Variants in KLHDC10 observed in about 807,000 individuals in gnomAD.
The protein encoded by KLHDC10 is kelch domain-containing protein 10.
A neutral mutation model predicts 56.1 loss-of-function variants in KLHDC10; 24 were observed. The ratio of observed to expected loss-of-function variants is 0.43; its 90% CI spans 0.31 to 0.60. The LOEUF (loss-of-function observed/expected upper bound fraction) is 0.60. KLHDC10 is among the 20% of genes least tolerant of loss of function. KLHDC10 has a pLI of 0.11. For missense variants in KLHDC10, 349 were observed against 567.0 expected, an observed-to-expected ratio of 0.62 and a Z score of 3.91; for synonymous variants, 188 against 207.1, an observed-to-expected ratio of 0.91 and a Z score of 0.79.
rs531945055 is a variant in KLHDC10, at chr7:130,124,605, G to A, written c.864+70G>A. On this transcript the variant is annotated intron_variant, in intron 6 of 9. Transcript: ENST00000335420. The stretch of plus-strand genomic sequence containing the variant: ...AAGGAGGCTTGCGTCAACCAAGCAA[G>A]ATAATTCTGTTACTTTGGATATTTT... 5 of 783,682 alleles carry A rather than the reference G, an allele frequency of 6.4e-6. No homozygotes were observed. The Admixed American group carries it at 6.4e-5, about 10-fold the overall frequency. The allele number at this position is 783,682 out of a possible 1,614,324, so 48.5% of individuals were successfully genotyped here.
In KLHDC10 at chr7:130,124,436, A is replaced by G. The variant is rs1361730093; in HGVS notation, c.780-15A>G. The G allele has an allele frequency of 6.6e-7, 1 of 1,519,642 alleles. No individual in the cohort carries two copies. The highest frequency in any genetic ancestry group is 9.1e-7 in the Non-Finnish European group (1 of 1,097,152). The allele number at this position is 1,519,642 out of a possible 1,614,324, so 94.1% of individuals were successfully genotyped here. A position where few individuals can be genotyped will look rare whatever the true frequency, so the allele number is the denominator to read the frequency against. On this transcript the variant is annotated splice_polypyrimidine_tract_variant and intron_variant, in intron 5 of 9. Transcript: ENST00000335420. ...TTTCACTTAATTATAAATGAATTTTATTGTAAATTTTCAGATACCGACATG... is the reference window on the plus strand; with the variant it reads ...TTTCACTTAATTATAAATGAATTTTGTTGTAAATTTTCAGATACCGACATG...
chr7:130,075,160 A>G (rs1011710490), intron 1 of KLHDC10, among the ~76,000 whole-genome samples: 1 of 152,226 alleles, frequency 6.6e-6, no homozygotes, highest in Non-Finnish European at 1.5e-5. Flanking sequence ...AAGTATGCAG[A>G]GAGCTCAGGA....
chr7:130,103,640 A>G (rs1260857302), intron 2 of KLHDC10, among the ~76,000 whole-genome samples: 1 of 152,176 alleles, frequency 6.6e-6, no homozygotes, highest in Middle Eastern at 3.2e-3. Context: ...TTGCTACAAG[A>G]TAAATGCCTT....
At chr7:130,095,302 G>T (rs972527525) in intron 1 of KLHDC10, among the ~76,000 whole-genome samples, 8 of 151,890 alleles carry the variant, frequency 5.3e-5, no homozygotes, top group African/African-American at 1.9e-4. Flanking sequence ...ATATTAAAAA[G>T]AAAACCAACT....
intron 1 of KLHDC10, among the ~76,000 whole-genome samples, chr7:130,088,475 C>T (rs996372988): frequency 6.6e-6 from 1 of 151,572 alleles, no homozygotes; most frequent in Non-Finnish European, 1.5e-5. Context: ...GGGGTTTTAC[C>T]ATGTTGGCCA....
intron 4 of KLHDC10, among the ~76,000 whole-genome samples, chr7:130,121,720 C>A (rs141741381): frequency 3.0e-4 from 46 of 152,290 alleles, no homozygotes; most frequent in African/African-American, 1.0e-3. Flanking sequence ...GAGCATTTTT[C>A]TTCAGACTGC....
intron 2 of KLHDC10, among the ~76,000 whole-genome samples, chr7:130,108,133 G>A (rs1288639281): frequency 2.6e-5 from 4 of 151,872 alleles, no homozygotes; most frequent in South Asian, 4.1e-4. Context: ...AGACGCTGAG[G>A]TGGGAGAATC....
intron 1 of KLHDC10, among the ~76,000 whole-genome samples, chr7:130,092,955 C>T (rs1795796585): frequency 6.6e-6 from 1 of 151,014 alleles, no homozygotes; most frequent in South Asian, 2.1e-4. Context: ...TCCAGTGATT[C>T]CTCATAGTAT....
intron 3 of KLHDC10, among the ~76,000 whole-genome samples, chr7:130,117,866 A>AAAAAAAAAG (rs1796189513): frequency 6.7e-6 from 1 of 149,084 alleles, no homozygotes. Flanking sequence ...AAAAAAAAAA[A>AAAAAAAAAG]AAAAAAAAGA....
rs200495880 is a variant in KLHDC10, at chr7:130,070,791, G to A, written c.148G>A (p.Gly50Arg). Reference sequence around the variant, plus strand: ...GCTCAACCGCTTCGTGCAACTCTCCGGGCGGCCGCACCTGCCAGGTGAGTC... The same window carrying A: ...GCTCAACCGCTTCGTGCAACTCTCCAGGCGGCCGCACCTGCCAGGTGAGTC... ...GQLNRFVQLSGRPHLPGKKKI... is the reference protein window; with the variant it reads ...GQLNRFVQLSRRPHLPGKKKI... Residue 50 changes from glycine to arginine, a missense_variant, in exon 1 of 10, where the codon GGG (glycine) becomes AGG (arginine). Physicochemically the swap from Gly to Arg is moderately radical, Grantham distance 125. Coordinates refer to ENST00000335420, the MANE Select transcript of KLHDC10 (RefSeq NM_014997.4). 18 of 1,307,302 alleles carry A rather than the reference G, an allele frequency of 1.4e-5. No homozygotes were observed. Among genetic ancestry groups the A allele is most frequent in the Non-Finnish European group, 9.8e-7 (1 of 1,025,358 alleles). 81.0% of individuals were successfully genotyped at this position (1,307,302 alleles called of 1,614,324 possible).
chr7:130,105,375 G>C (rs1246354325), intron 2 of KLHDC10, among the ~76,000 whole-genome samples: 2 of 152,064 alleles, frequency 1.3e-5, no homozygotes, highest in African/African-American at 4.8e-5. Flanking sequence ...ACTTAGACTG[G>C]ATAAATAAAT....
At chr7:130,121,209 C>T (rs184477894) in intron 4 of KLHDC10, among the ~76,000 whole-genome samples, 2 of 152,182 alleles carry the variant, frequency 1.3e-5, no homozygotes, top group Admixed American at 6.5e-5. Context: ...CCTCTACCCT[C>T]ACCCCCCGTG....
chr7:130,126,738 C>T (rs987551161), intron 7 of KLHDC10, among the ~76,000 whole-genome samples: 4 of 152,048 alleles, frequency 2.6e-5, no homozygotes, highest in Admixed American at 6.6e-5. Flanking sequence ...TTCTCCTTAG[C>T]GATTGAGCAA....
chr7:130,131,053 A>C lies in KLHDC10; in HGVS notation c.*307A>C. 3.0e-5 allele frequency: 7 copies of C among 235,984 alleles called. No homozygotes were observed. The highest frequency in any genetic ancestry group is 1.0e-4 in the South Asian group (1 of 9,692). 14.6% of individuals were successfully genotyped at this position (235,984 alleles called of 1,614,324 possible). On this transcript the variant is annotated 3_prime_UTR_variant, in exon 10 of 10. Transcript: ENST00000335420. The stretch of plus-strand genomic sequence containing the variant: ...TACCTTAATAATGTTATTAATCAAG[A>C]CAGATTCCTTTTTAAAGGAATTCTG...
intron 1 of KLHDC10, among the ~76,000 whole-genome samples, chr7:130,077,199 A>G (rs1795516805): frequency 6.6e-6 from 1 of 151,594 alleles, no homozygotes; most frequent in Non-Finnish European, 1.5e-5. Context: ...TGCTAAAAAT[A>G]TAAAACTTAG....
At chr7:130,088,495 C>G (rs1029155700) in intron 1 of KLHDC10, among the ~76,000 whole-genome samples, 4 of 150,502 alleles carry the variant, frequency 2.7e-5, no homozygotes, top group African/African-American at 7.3e-5. Flanking sequence ...AGGCTGGTCT[C>G]GAACTCCTGA....
chr7:130,083,877 C>T (rs539917568), intron 1 of KLHDC10, among the ~76,000 whole-genome samples: 9 of 152,242 alleles, frequency 5.9e-5, no homozygotes, highest in South Asian at 2.1e-4. Flanking sequence ...TGTCAGGTCT[C>T]GTTTTCTTAT....
At chr7:130,125,049 A>C (rs1796296836) in intron 6 of KLHDC10, among the ~76,000 whole-genome samples, 1 of 152,004 alleles carries the variant, frequency 6.6e-6, no homozygotes, top group South Asian at 2.1e-4. Flanking sequence ...ACTGCTTGGA[A>C]CCTTAATGGT....
At chr7:130,074,964 G>A (rs375119019) in intron 1 of KLHDC10, among the ~76,000 whole-genome samples, 1 of 152,224 alleles carries the variant, frequency 6.6e-6, no homozygotes, top group Non-Finnish European at 1.5e-5. Context: ...CATTGCGACA[G>A]CACAAACAAT....
Sources: allele counts gnomAD v4.1 joint callset (sites outside exome capture counted in the v4.1 genomes callset), GRCh38; gene constraint gnomAD v4.1.1; transcripts MANE v1.5; gene names NCBI Gene and HGNC (gene_info 2026-07-23, HGNC 2026-07-21).